Variants in ASIP observed in about 807,000 individuals in gnomAD.
The protein encoded by ASIP is agouti signaling protein.
A neutral mutation model predicts 10.3 loss-of-function variants in ASIP; 11 were observed. That is an observed-to-expected ratio of 1.07 (90% CI 0.68 to 1.78). The LOEUF (loss-of-function observed/expected upper bound fraction) is 1.78. Ranked by LOEUF, ASIP falls within the 40% of genes most tolerant of loss-of-function variation. ASIP has a pLI of 0.00. For missense variants in ASIP, 180 were observed against 169.2 expected (o/e 1.06, Z -0.35); for synonymous variants, 70 against 70.8 (o/e 0.99, Z 0.06).
intron 1 of ASIP, among the ~76,000 whole-genome samples, chr20:34,235,889 GGAAGGAAGGAAAGGAA>G (rs2035190985): frequency 9.8e-6 from 1 of 101,978 alleles, no homozygotes; most frequent in African/African-American, 5.1e-5. Flanking sequence ...AAGGAAGGAA[GGAAGGAAGGAAAGGAA>G]GGAAGGAAGG....
At chr20:34,214,734 G>A (rs947746288) in intron 1 of ASIP, 29 of 1,173,626 alleles carry the variant, frequency 2.5e-5, no homozygotes, top group East Asian at 1.2e-4. Flanking sequence ...TTTTCATAAC[G>A]GCCAACATGA....
At chr20:34,196,139 C>G (rs141338583) in intron 1 of ASIP, among the ~76,000 whole-genome samples, 521 of 151,222 alleles carry the variant, frequency 3.4e-3, no homozygotes, top group South Asian at 0.032. Flanking sequence ...AGATAAGGAA[C>G]CAGAGCCAGA....
chr20:34,198,751 T>A (rs2122533427), intron 1 of ASIP, among the ~76,000 whole-genome samples: 1 of 152,336 alleles, frequency 6.6e-6, no homozygotes, highest in South Asian at 2.1e-4. Flanking sequence ...AGTGCTGGGA[T>A]TACAGGTCTG....
At chr20:34,244,450 A>G (rs2035336414) in intron 1 of ASIP, among the ~76,000 whole-genome samples, 1 of 152,206 alleles carries the variant, frequency 6.6e-6, no homozygotes. Flanking sequence ...GATGATGATT[A>G]ATGTCTAAAA....
the ASIP span, among the ~76,000 whole-genome samples, chr20:34,186,976 G>T: frequency 1.3e-5 from 2 of 152,052 alleles, no homozygotes; most frequent in African/African-American, 4.8e-5. Flanking sequence ...ACCACACCTG[G>T]TGGCACCTAG....
exon 1 of ASIP, chr20:34,194,725 G>A (rs2034843694): frequency 6.6e-6 from 1 of 152,066 alleles, no homozygotes; most frequent in South Asian, 2.1e-4. Flanking sequence ...AGCAGCCACT[G>A]ACGATTTCCT....
At chr20:34,225,866 T>C (rs1391445229) in intron 1 of ASIP, among the ~76,000 whole-genome samples, 1 of 152,138 alleles carries the variant, frequency 6.6e-6, no homozygotes, top group African/African-American at 2.4e-5. Flanking sequence ...TTTAAAATAC[T>C]TATGTAATAA....
chr20:34,261,894 C>T (rs1445257676), intron 2 of ASIP, among the ~76,000 whole-genome samples: 1 of 152,120 alleles, frequency 6.6e-6, no homozygotes, highest in East Asian at 1.9e-4. Context: ...GGGCAGATCA[C>T]CTGAGGTCAA....
chr20:34,213,833 C>A, intron 1 of ASIP: 2 of 1,528,882 alleles, frequency 1.3e-6, no homozygotes, highest in Non-Finnish European at 1.8e-6. Flanking sequence ...AGATAAACTT[C>A]GGAACAGCCA....
intron 1 of ASIP, among the ~76,000 whole-genome samples, chr20:34,232,190 A>G (rs2035126221): frequency 6.6e-6 from 1 of 152,222 alleles, no homozygotes; most frequent in East Asian, 1.9e-4. Flanking sequence ...TTTTTAACCC[A>G]GGGAGATATT....
chr20:34,243,891 C>T (rs2035325366), intron 1 of ASIP, among the ~76,000 whole-genome samples: 1 of 151,986 alleles, frequency 6.6e-6, no homozygotes, highest in African/African-American at 2.4e-5. Context: ...GATGAAACCC[C>T]GTCTCTACTA....
intron 1 of ASIP, among the ~76,000 whole-genome samples, chr20:34,216,704 G>A (rs2035011371): frequency 6.6e-6 from 1 of 152,130 alleles, no homozygotes; most frequent in African/African-American, 2.4e-5. Context: ...GAATTGATCT[G>A]ATGCCTTGGT....
intron 1 of ASIP, among the ~76,000 whole-genome samples, chr20:34,227,327 TTAAA>T (rs1175359301): frequency 6.6e-6 from 1 of 152,062 alleles, no homozygotes; most frequent in Non-Finnish European, 1.5e-5. Flanking sequence ...AAATTAATAC[TTAAA>T]TAAGTAAAGA....
chr20:34,246,378 A>G, intron 1 of ASIP: 2 of 1,437,476 alleles, frequency 1.4e-6, no homozygotes, highest in South Asian at 1.2e-5. Flanking sequence ...TTCTCTAACC[A>G]TTGTTTACAA....
intron 1 of ASIP, among the ~76,000 whole-genome samples, chr20:34,221,071 G>C (rs955300586): frequency 2.6e-5 from 4 of 151,030 alleles, no homozygotes; most frequent in Non-Finnish European, 5.9e-5. Context: ...ATAAAAAGAG[G>C]ATGTTGAAAG....
At chr20:34,245,673 G>A (rs2035362771) in intron 1 of ASIP, among the ~76,000 whole-genome samples, 1 of 152,006 alleles carries the variant, frequency 6.6e-6, no homozygotes, top group Non-Finnish European at 1.5e-5. Context: ...ACAGGCGTGA[G>A]CCACCACGCC....
At chr20:34,219,585 TTCTC>T (rs1332900459) in intron 1 of ASIP, among the ~76,000 whole-genome samples, 3 of 152,220 alleles carry the variant, frequency 2.0e-5, no homozygotes, top group Admixed American at 6.5e-5. Flanking sequence ...TGTTTACTCT[TTCTC>T]TCTCATAGTG....
chr20:34,214,896 T>C (rs2034997471), intron 1 of ASIP: 1 of 1,569,570 alleles, frequency 6.4e-7, no homozygotes, highest in African/African-American at 1.3e-5. Flanking sequence ...TTTCAATAGC[T>C]TGTAGTGCCT....
intron 1 of ASIP, among the ~76,000 whole-genome samples, chr20:34,200,195 CT>C (rs1181419690): frequency 6.6e-6 from 1 of 152,126 alleles, no homozygotes; most frequent in Non-Finnish European, 1.5e-5. Flanking sequence ...GCTGAAGTAA[CT>C]GGTTCCTTTT....
Sources: allele counts gnomAD v4.1 joint callset (sites outside exome capture counted in the v4.1 genomes callset), GRCh38; gene constraint gnomAD v4.1.1; transcripts MANE v1.5; gene names NCBI Gene and HGNC (gene_info 2026-07-23, HGNC 2026-07-21).